Variants in PREX1 observed in about 807,000 individuals in gnomAD.
The protein encoded by PREX1 is phosphatidylinositol-3,4,5-trisphosphate dependent Rac exchange factor 1.
A neutral mutation model predicts 198.3 loss-of-function variants in PREX1; 41 were observed. The observed-to-expected ratio is 0.21, with a 90% CI of 0.16 to 0.27. The LOEUF (loss-of-function observed/expected upper bound fraction) is 0.27. PREX1 is among the 10% of genes least tolerant of loss of function. PREX1 has a pLI of 1.00. For synonymous variants in PREX1, 843 were observed against 887.2 expected (o/e 0.95, Z 0.89); for missense variants, 1,620 against 2,200.7 (o/e 0.74, Z 5.28).
chr20:48,671,399 T>C (rs6122712), intron 14 of PREX1, among the ~76,000 whole-genome samples: 2 of 152,222 alleles, frequency 1.3e-5, no homozygotes, highest in Non-Finnish European at 2.9e-5. Flanking sequence ...AGGCAGGAGA[T>C]GCCTGGGTAC....
At chr20:48,763,375 G>A (rs1021990963) in intron 1 of PREX1, among the ~76,000 whole-genome samples, 5 of 152,204 alleles carry the variant, frequency 3.3e-5, no homozygotes, top group Non-Finnish European at 5.9e-5. Flanking sequence ...GGCATTTCCC[G>A]CCGGAATGTC....
chr20:48,750,282 C>T (rs2090128438), intron 1 of PREX1, among the ~76,000 whole-genome samples: 1 of 152,152 alleles, frequency 6.6e-6, no homozygotes, highest in Non-Finnish European at 1.5e-5. Context: ...CAGCCATTTC[C>T]CTCCTGGTCC....
At position 48,649,297 on chromosome 20, in the gene PREX1, C is replaced by A; in HGVS notation, c.3305+3G>T. 6.2e-7 allele frequency: 1 copy of A among 1,611,398 alleles called. No homozygotes were observed. Among genetic ancestry groups the A allele is most frequent in the Non-Finnish European group, 8.5e-7 (1 of 1,177,928 alleles). On this transcript the variant is annotated splice_donor_region_variant and intron_variant, in intron 25 of 39. Transcript: ENST00000371941. ...ACGCCGGACACCCCCGGCCAGCGCT[C>A]ACCTGTTGATCTGGGTGACATATTG...
At chr20:48,881,265 A>C in the PREX1 span, among the ~76,000 whole-genome samples, 1 of 152,098 alleles carries the variant, frequency 6.6e-6, no homozygotes, top group Non-Finnish European at 1.5e-5. Flanking sequence ...TGTGGTGTAC[A>C]TTTAACATTT....
the PREX1 span, among the ~76,000 whole-genome samples, chr20:48,875,262 A>T: frequency 6.6e-6 from 1 of 152,218 alleles, no homozygotes; most frequent in Non-Finnish European, 1.5e-5. Flanking sequence ...CAGCTGAAGA[A>T]CAAGGGAAGA....
chr20:48,879,654 A>T, the PREX1 span, among the ~76,000 whole-genome samples: 2 of 152,340 alleles, frequency 1.3e-5, no homozygotes, highest in Admixed American at 1.3e-4. Flanking sequence ...AAATGGAAAC[A>T]CTAAATTATC....
chr20:48,767,061 C>A (rs1252825411), intron 1 of PREX1, among the ~76,000 whole-genome samples: 1 of 152,192 alleles, frequency 6.6e-6, no homozygotes, highest in Admixed American at 6.5e-5. Flanking sequence ...TGTAGCCCTG[C>A]CACAGACTCG....
the PREX1 span, among the ~76,000 whole-genome samples, chr20:48,864,889 C>G: frequency 6.6e-6 from 1 of 152,122 alleles, no homozygotes; most frequent in South Asian, 2.1e-4. Flanking sequence ...AATCAGATCA[C>G]CTTTATTTTT....
chr20:48,876,930 C>T, the PREX1 span, among the ~76,000 whole-genome samples: 2 of 152,084 alleles, frequency 1.3e-5, no homozygotes, highest in Non-Finnish European at 1.5e-5. Context: ...AGGATTCTTT[C>T]AGTTGTAAGT....
the PREX1 span, among the ~76,000 whole-genome samples, chr20:48,878,651 T>C: frequency 6.6e-6 from 1 of 152,220 alleles, no homozygotes; most frequent in African/African-American, 2.4e-5. Context: ...TTCCCCTTTT[T>C]CTGGCAACTC....
intron 15 of PREX1, among the ~76,000 whole-genome samples, chr20:48,661,496 T>C (rs1214090505): frequency 1.6e-5 from 2 of 124,294 alleles, no homozygotes; most frequent in African/African-American, 6.6e-5. Flanking sequence ...ATATAATATA[T>C]AGTATGTATA....
chr20:48,779,843 G>A (rs2090280295), intron 1 of PREX1, among the ~76,000 whole-genome samples: 1 of 152,184 alleles, frequency 6.6e-6, no homozygotes, highest in Admixed American at 6.5e-5. Context: ...TGGTTGTCAG[G>A]GGTAACGATG....
At chr20:48,649,262 G>T (rs1449499105) in intron 25 of PREX1, 38 bp downstream of exon 25, 2 of 1,593,140 alleles carry the variant, frequency 1.3e-6, no homozygotes, top group East Asian at 4.5e-5. Flanking sequence ...GAGAACACCT[G>T]CCCCTGCTCA....
At chr20:48,635,767 T>C (rs930234226) in intron 32 of PREX1, among the ~76,000 whole-genome samples, 6 of 152,214 alleles carry the variant, frequency 3.9e-5, no homozygotes, top group Non-Finnish European at 8.8e-5. Flanking sequence ...GAAGTCAGCT[T>C]CAGGCCCCCA....
chr20:48,845,919 T>C, the PREX1 span, among the ~76,000 whole-genome samples: 1 of 152,106 alleles, frequency 6.6e-6, no homozygotes, highest in Non-Finnish European at 1.5e-5. Context: ...GGATGTAACA[T>C]GATGTGACTC....
At chr20:48,746,578 C>G (rs559632743) in intron 2 of PREX1, among the ~76,000 whole-genome samples, 1 of 152,172 alleles carries the variant, frequency 6.6e-6, no homozygotes, top group Admixed American at 6.5e-5. Flanking sequence ...TACTAGGAAC[C>G]AGGGATTACC....
intron 37 of PREX1, among the ~76,000 whole-genome samples, chr20:48,628,340 C>T (rs1027538954): frequency 1.3e-5 from 2 of 152,316 alleles, no homozygotes; most frequent in East Asian, 1.9e-4. Context: ...ATGGACACAT[C>T]GATTCACACC....
intron 1 of PREX1, among the ~76,000 whole-genome samples, chr20:48,770,575 T>C (rs1014510632): frequency 6.6e-6 from 1 of 152,052 alleles, no homozygotes; most frequent in Non-Finnish European, 1.5e-5. Flanking sequence ...CCAGACATGG[T>C]GGTGCATGCC....
intron 1 of PREX1, among the ~76,000 whole-genome samples, chr20:48,807,894 G>T (rs533973108): frequency 7.9e-5 from 12 of 152,136 alleles, no homozygotes; most frequent in African/African-American, 2.7e-4. Context: ...AGGCTAGAGG[G>T]GTGTGGGGGA....
Sources: gnomAD v4.1 joint callset for allele counts (sites outside exome capture counted in the v4.1 genomes callset) on GRCh38, gnomAD v4.1.1 for gene constraint, MANE v1.5 for transcripts, NCBI Gene and HGNC (gene_info 2026-07-23, HGNC 2026-07-21) for gene names.